PTPRR: variants seen among roughly 807,000 people sequenced by gnomAD.
The protein encoded by PTPRR is protein tyrosine phosphatase receptor type R.
A neutral mutation model predicts 77.2 loss-of-function variants in PTPRR; 38 were observed. The observed-to-expected ratio is 0.49, with a 90% CI of 0.38 to 0.65. The LOEUF is 0.65. Ranked by LOEUF, PTPRR falls within the 30% of genes least tolerant of loss-of-function variation. The pLI is 0.00. For missense variants in PTPRR, 744 were observed against 799.2 expected (o/e 0.93, Z 0.83); for synonymous variants, 299 against 283.1 (o/e 1.06, Z -0.57).
At chr12:70,675,209 T>G (rs1017714077) in intron 10 of PTPRR, among the ~76,000 whole-genome samples, 1 of 152,052 alleles carries the variant, frequency 6.6e-6, no homozygotes, top group South Asian at 2.1e-4. Flanking sequence ...TGTGTCCTCT[T>G]GTAGGCAGCA....
intron 2 of PTPRR, among the ~76,000 whole-genome samples, chr12:70,831,489 C>A (rs1427705067): frequency 6.6e-6 from 1 of 152,132 alleles, no homozygotes. Context: ...ATTCAATCAG[C>A]CAGCAGGTGG....
chr12:70,753,569 T>A (rs550237694), intron 5 of PTPRR, among the ~76,000 whole-genome samples: 4 of 152,308 alleles, frequency 2.6e-5, no homozygotes, highest in Admixed American at 6.5e-5. Context: ...TTTTGGGTTC[T>A]ATTTTTAAAA....
chr12:70,850,656 G>T (rs549718059), intron 2 of PTPRR, among the ~76,000 whole-genome samples: 3 of 152,052 alleles, frequency 2.0e-5, no homozygotes, highest in African/African-American at 7.3e-5. Context: ...ATTGTGACCG[G>T]GAATAATTTC....
chr12:70,845,239 G>A (rs546333938), intron 2 of PTPRR, among the ~76,000 whole-genome samples: 2 of 152,002 alleles, frequency 1.3e-5, no homozygotes, highest in East Asian at 3.9e-4. Flanking sequence ...TTATAGGTGT[G>A]CACAGGAAAA....
chr12:70,892,866 G>A lies in PTPRR; in HGVS notation c.170C>T (p.Ala57Val), dbSNP rs748791402. Residue 57 changes from alanine (A) to valine (V), a missense_variant, in exon 2 of 14, where the codon GCC (alanine) becomes GTC (valine). This residue lies in a region of PTPRR where 570 missense variants were observed against 573.2 expected (regional missense o/e 0.99). Coordinates refer to ENST00000283228, the MANE Select transcript of PTPRR (RefSeq NM_002849.4). The part of the protein sequence containing the change: ...SQDIEKSLDI[A>V]PQKIYRHSYH... Reference sequence around the variant, plus strand: ...GCTATGTCTGTAGATTTTTTGTGGGGCTATATCCAGGCTCTTCTCAATGTC... The same window carrying A: ...GCTATGTCTGTAGATTTTTTGTGGGACTATATCCAGGCTCTTCTCAATGTC... 1.9e-6 allele frequency: 3 copies of A among 1,613,502 alleles called. No homozygotes were observed. The highest frequency in any genetic ancestry group is 2.5e-6 in the Non-Finnish European group (3 of 1,179,606).
In PTPRR at chr12:70,720,999, G is replaced by T. The variant is rs142244913; in HGVS notation, c.1008-19676C>A. ...TTAACAGCACTGCTTTCTAGTATAA[G>T]CATGTCAACACAGGTTTAGTTATTT... On this transcript the variant is annotated intron_variant, in intron 6 of 13. Transcript: ENST00000283228. Among the ~76,000 whole-genome samples the T allele has an allele frequency of 2.5e-3, 377 of 152,248 alleles. 1 individual carries two copies. The highest frequency in any genetic ancestry group is 8.7e-3 in the African/African-American group (360 of 41,544).
chr12:70,895,558 C>T (rs538577855), intron 1 of PTPRR, among the ~76,000 whole-genome samples: 2 of 151,630 alleles, frequency 1.3e-5, no homozygotes, highest in South Asian at 4.2e-4. Flanking sequence ...ATTAGGTGTC[C>T]TACCACAATC....
intron 2 of PTPRR, among the ~76,000 whole-genome samples, chr12:70,780,391 T>C (rs1031253567): frequency 1.3e-5 from 2 of 152,148 alleles, no homozygotes; most frequent in Non-Finnish European, 2.9e-5. Flanking sequence ...TCTTGGTAAT[T>C]TGAGAGTTTT....
intron 5 of PTPRR, among the ~76,000 whole-genome samples, chr12:70,751,185 C>T (rs2136941941): frequency 6.6e-6 from 1 of 152,272 alleles, no homozygotes; most frequent in Middle Eastern, 3.4e-3. Context: ...GAAATGAGAA[C>T]ATTTCCACAC....
At chr12:70,749,001 G>C (rs994147955) in intron 5 of PTPRR, among the ~76,000 whole-genome samples, 2 of 152,090 alleles carry the variant, frequency 1.3e-5, no homozygotes, top group Non-Finnish European at 2.9e-5. Flanking sequence ...CAAAAATAGA[G>C]GTGTGCCCAC....
At chr12:70,784,669 G>T (rs532685389) in intron 2 of PTPRR, among the ~76,000 whole-genome samples, 90 of 152,342 alleles carry the variant, frequency 5.9e-4, no homozygotes, top group African/African-American at 2.1e-3. Flanking sequence ...AAAACAGCTA[G>T]AAGTGGCAGA....
chr12:70,733,427 C>CAAAAAAAAAAAAAAAAAAAAAAAAAA (rs764791536), intron 6 of PTPRR, among the ~76,000 whole-genome samples: 6 of 27,036 alleles, frequency 2.2e-4, no homozygotes, highest in African/African-American at 4.6e-4. Flanking sequence ...CAAACAACAA[C>CAAAAAAAAAAAAAAAAAAAAAAAAAA]AAAAAAAAAA....
chr12:70,851,908 T>C (rs1449999491), intron 2 of PTPRR, among the ~76,000 whole-genome samples: 1 of 152,212 alleles, frequency 6.6e-6, no homozygotes, highest in Non-Finnish European at 1.5e-5. Flanking sequence ...TTCATTTTTT[T>C]CAATTCTCTT....
intron 6 of PTPRR, among the ~76,000 whole-genome samples, chr12:70,715,508 G>A (rs1388024573): frequency 1.3e-5 from 2 of 152,216 alleles, no homozygotes; most frequent in South Asian, 2.1e-4. Flanking sequence ...CAATAAGCCT[G>A]GGAGCGCTAT....
chr12:70,912,787 T>A (rs1431505084), intron 1 of PTPRR, among the ~76,000 whole-genome samples: 1 of 152,202 alleles, frequency 6.6e-6, no homozygotes, highest in Non-Finnish European at 1.5e-5. Context: ...GCACTTATAG[T>A]TACATTATAT....
chr12:70,834,300 G>GTA (rs1892265029), intron 2 of PTPRR, among the ~76,000 whole-genome samples: 2 of 152,128 alleles, frequency 1.3e-5, no homozygotes, highest in South Asian at 4.1e-4. Flanking sequence ...TGACAAGCTT[G>GTA]TATATCTGTA....
intron 2 of PTPRR, among the ~76,000 whole-genome samples, chr12:70,846,915 A>G (rs1892494593): frequency 6.6e-6 from 1 of 152,004 alleles, no homozygotes; most frequent in Admixed American, 6.6e-5. Flanking sequence ...TCTCAGTGCA[A>G]TATTTATCCG....
At chr12:70,867,878 T>G (rs910891152) in intron 2 of PTPRR, among the ~76,000 whole-genome samples, 1 of 152,074 alleles carries the variant, frequency 6.6e-6, no homozygotes, top group African/African-American at 2.4e-5. Flanking sequence ...TCAGAAATAA[T>G]GCCGCATATC....
intron 2 of PTPRR, among the ~76,000 whole-genome samples, chr12:70,822,537 A>T (rs1451214612): frequency 6.6e-6 from 1 of 152,210 alleles, no homozygotes; most frequent in Non-Finnish European, 1.5e-5. Flanking sequence ...CTGGTATCAG[A>T]CACATGGTGG....
Sources: allele counts gnomAD v4.1 joint callset (sites outside exome capture counted in the v4.1 genomes callset), GRCh38; gene constraint gnomAD v4.1.1; regional missense constraint gnomAD v4.1.1; transcripts MANE v1.5; gene names NCBI Gene and HGNC (gene_info 2026-07-23, HGNC 2026-07-21).